CDH13: variants seen among roughly 807,000 people sequenced by gnomAD.
CDH13 encodes cadherin-13.
Under a neutral mutation model 63.8 loss-of-function variants are expected in CDH13, and 24 were observed. That is an observed-to-expected ratio of 0.38 (90% CI 0.27 to 0.53). CDH13 has a LOEUF of 0.53. Ranked by LOEUF, CDH13 falls within the 20% of genes least tolerant of loss-of-function variation. CDH13 has a pLI of 0.85. For synonymous variants in CDH13, 503 were observed against 355.3 expected, an observed-to-expected ratio of 1.42 and a Z score of -4.67; for missense variants, 1,049 against 903.1, an observed-to-expected ratio of 1.16 and a Z score of -2.07.
intron 6 of CDH13, among the ~76,000 whole-genome samples, chr16:83,472,721 A>G (rs2073488373): frequency 1.3e-5 from 2 of 152,210 alleles, no homozygotes; most frequent in South Asian, 2.1e-4. Flanking sequence ...AAGAGCATTT[A>G]AAACCAAAAA....
chr16:83,599,117 A>G (rs1225731950), intron 7 of CDH13, among the ~76,000 whole-genome samples: 1 of 152,236 alleles, frequency 6.6e-6, no homozygotes, highest in Non-Finnish European at 1.5e-5. Flanking sequence ...GAATTATAAC[A>G]TAGGTACCAG....
intron 5 of CDH13, among the ~76,000 whole-genome samples, chr16:83,272,494 A>AT (rs2088855603): frequency 6.6e-6 from 1 of 152,230 alleles, no homozygotes; most frequent in Admixed American, 6.5e-5. Context: ...TTCAAACTTG[A>AT]ATTTTTAAAG....
At chr16:83,201,009 G>T (rs1157130429) in intron 4 of CDH13, among the ~76,000 whole-genome samples, 3 of 151,038 alleles carry the variant, frequency 2.0e-5, no homozygotes, top group African/African-American at 7.3e-5. Flanking sequence ...CACTCAGAAT[G>T]ACTCTGTTGG....
At chr16:83,231,869 C>A (rs1200346959) in intron 5 of CDH13, among the ~76,000 whole-genome samples, 1 of 152,064 alleles carries the variant, frequency 6.6e-6, no homozygotes, top group Admixed American at 6.6e-5. Flanking sequence ...GGGGGTGGAC[C>A]CCTCCTGAAT....
intron 10 of CDH13, among the ~76,000 whole-genome samples, chr16:83,727,651 A>G (rs1303278804): frequency 3.3e-5 from 5 of 152,140 alleles, no homozygotes; most frequent in Non-Finnish European, 7.3e-5. Context: ...TAGTACATCA[A>G]CATTAGAAGC....
intron 3 of CDH13, among the ~76,000 whole-genome samples, chr16:83,033,527 G>A (rs765724577): frequency 1.3e-5 from 2 of 152,124 alleles, no homozygotes; most frequent in Non-Finnish European, 2.9e-5. Context: ...GTATATGTAT[G>A]TGTGTATATA....
At chr16:83,525,508 C>G (rs1339861177) in intron 7 of CDH13, among the ~76,000 whole-genome samples, 1 of 152,212 alleles carries the variant, frequency 6.6e-6, no homozygotes, top group East Asian at 1.9e-4. Context: ...GAGAGGGCAT[C>G]CTAAACAGCA....
At chr16:83,259,371 G>T (rs143937712) in intron 5 of CDH13, among the ~76,000 whole-genome samples, 1 of 152,140 alleles carries the variant, frequency 6.6e-6, no homozygotes, top group Admixed American at 6.5e-5. Context: ...AAGGTTAGAT[G>T]GTGCTGCTTG....
At chr16:83,407,423 C>G (rs1349126277) in intron 6 of CDH13, among the ~76,000 whole-genome samples, 1 of 152,162 alleles carries the variant, frequency 6.6e-6, no homozygotes, top group African/African-American at 2.4e-5. Context: ...AGCCCCTGAA[C>G]TTAAGGAAAT....
chr16:83,055,732 C>A (rs748103908), intron 3 of CDH13, among the ~76,000 whole-genome samples: 1 of 152,040 alleles, frequency 6.6e-6, no homozygotes, highest in Non-Finnish European at 1.5e-5. Flanking sequence ...AAATGAAACG[C>A]TTTCCAGCTT....
chr16:82,648,243 T>C (rs918334407), intron 1 of CDH13, among the ~76,000 whole-genome samples: 1 of 152,186 alleles, frequency 6.6e-6, no homozygotes, highest in Non-Finnish European at 1.5e-5. Context: ...GTAATACACA[T>C]CTGAGAAGTT....
intron 5 of CDH13, among the ~76,000 whole-genome samples, chr16:83,267,608 G>A (rs758347644): frequency 2.6e-5 from 4 of 152,094 alleles, no homozygotes; most frequent in East Asian, 1.9e-4. Context: ...TTGTTACCGC[G>A]GGAGTGGGCT....
chr16:82,972,401 T>C (rs1284465990), intron 2 of CDH13, among the ~76,000 whole-genome samples: 1 of 152,194 alleles, frequency 6.6e-6, no homozygotes, highest in East Asian at 1.9e-4. Context: ...CTCTTGTATT[T>C]CTGAGTCCCA....
At chr16:82,640,288 G>A (rs752943503) in intron 1 of CDH13, among the ~76,000 whole-genome samples, 1 of 152,158 alleles carries the variant, frequency 6.6e-6, no homozygotes, top group African/African-American at 2.4e-5. Context: ...AAGGAAGTTA[G>A]TAATACATAC....
intron 4 of CDH13, among the ~76,000 whole-genome samples, chr16:83,192,945 T>G (rs2038766234): frequency 6.6e-6 from 1 of 151,968 alleles, no homozygotes; most frequent in Admixed American, 6.6e-5. Flanking sequence ...CAATTTCTCT[T>G]AAAGAGAAAG....
intron 1 of CDH13, among the ~76,000 whole-genome samples, chr16:82,768,531 T>C (rs2035146279): frequency 6.6e-6 from 1 of 152,218 alleles, no homozygotes; most frequent in Non-Finnish European, 1.5e-5. Context: ...TTAATCCTCA[T>C]GGTATAAGGT....
chr16:82,819,258 C>G (rs558517127), intron 1 of CDH13, among the ~76,000 whole-genome samples: 1 of 152,174 alleles, frequency 6.6e-6, no homozygotes, highest in Non-Finnish European at 1.5e-5. Context: ...TTTTAGCCTG[C>G]TAAGCATGAA....
chr16:82,968,222 G>T (rs763078426), intron 2 of CDH13, among the ~76,000 whole-genome samples: 3 of 152,128 alleles, frequency 2.0e-5, no homozygotes, highest in African/African-American at 7.2e-5. Flanking sequence ...TTTGTCCAGT[G>T]GGAAGCCTAA....
chr16:82,904,873 G>C (rs9929316), intron 2 of CDH13, among the ~76,000 whole-genome samples: 122,003 of 151,406 alleles, frequency 0.81, 49,291 homozygotes, highest in African/African-American at 0.87. Context: ...ACCTAGGTTT[G>C]TCCCATGGAG....
Sources: gnomAD v4.1 joint callset for allele counts (sites outside exome capture counted in the v4.1 genomes callset) on GRCh38, gnomAD v4.1.1 for gene constraint, MANE v1.5 for transcripts, NCBI Gene and HGNC (gene_info 2026-07-23, HGNC 2026-07-21) for gene names.